The following PDCD10 variants were observed in gnomAD, a reference collection of about 807,000 sequenced individuals.
PDCD10 encodes the protein programmed cell death 10, also known as programmed cell death protein 10.
In PDCD10, 4 loss-of-function variants were observed where a neutral mutation model predicts 29.2. The observed-to-expected ratio is 0.14, with a 90% CI of 0.07 to 0.31. The LOEUF (loss-of-function observed/expected upper bound fraction) is 0.31, where lower values mean the gene tolerates loss of function less well. Among genes scored for constraint, PDCD10 ranks in the 10% least tolerant of loss-of-function variants. The pLI, the probability that PDCD10 is intolerant of heterozygous loss-of-function variation, is 1.00. For missense variants in PDCD10, 183 were observed against 257.9 expected, an observed-to-expected ratio of 0.71 and a Z score of 1.99; for synonymous variants, 70 against 82.2, an observed-to-expected ratio of 0.85 and a Z score of 0.80.
At chr3:167,698,241 T>C (rs1013183153) in intron 4 of PDCD10, among the ~76,000 whole-genome samples, 1 of 152,232 alleles carries the variant, frequency 6.6e-6, no homozygotes, top group Non-Finnish European at 1.5e-5. Context: ...CTTCGGATCA[T>C]TTTAAATGCT....
intron 2 of PDCD10, among the ~76,000 whole-genome samples, chr3:167,729,265 G>A (rs1724538573): frequency 6.6e-6 from 1 of 152,168 alleles, no homozygotes. Context: ...AACTGGCTGT[G>A]TTGAAGTTGT....
At chr3:167,694,313 C>T (rs769853799) in intron 6 of PDCD10, 10 of 197,154 alleles carry the variant, frequency 5.1e-5, no homozygotes, top group African/African-American at 1.7e-4. Context: ...AGAAGAGAGA[C>T]GGGGAACCAC....
Position 167,684,334 on chromosome 3 carries a change from G to A in PDCD10, c.613C>T (p.Leu205Phe). The A allele has an allele frequency of 6.2e-7, 1 of 1,603,710 alleles. No homozygotes were observed. The highest frequency in any genetic ancestry group is 8.5e-7 in the Non-Finnish European group (1 of 1,170,894). ...NRLIHQTNLI[L>F]QTFKTVA ...CAGGCCACAGTTTTGAAGGTCTGAA[G>A]TATTAAGTTGGTTTGATGAATTAGT... Residue 205 changes from leucine to phenylalanine, a missense_variant, in exon 9 of 9, where the codon CTT (leucine) becomes TTT (phenylalanine). By Grantham distance (22) the Leu-to-Phe change is conservative. Transcript: ENST00000392750.
At chr3:167,727,076 T>C (rs78253921) in intron 2 of PDCD10, among the ~76,000 whole-genome samples, 2,418 of 152,274 alleles carry the variant, frequency 0.016, 62 homozygotes, top group African/African-American at 0.056. Context: ...TAAATGTACA[T>C]AGATAAACTT....
At chr3:167,688,527 T>G (rs770865735) in intron 6 of PDCD10, among the ~76,000 whole-genome samples, 38 of 152,206 alleles carry the variant, frequency 2.5e-4, no homozygotes, top group Non-Finnish European at 4.0e-4. Context: ...CACCATTTTT[T>G]CTGAACTTTT....
intron 2 of PDCD10, among the ~76,000 whole-genome samples, chr3:167,727,363 AT>A (rs928587994): frequency 2.0e-5 from 3 of 151,456 alleles, no homozygotes; most frequent in African/African-American, 4.9e-5. Flanking sequence ...GACAATCCTC[AT>A]TTTTTTTTCC....
intron 6 of PDCD10, 41 bp downstream of exon 6, chr3:167,695,555 T>C (rs1266482891): frequency 6.3e-7 from 1 of 1,586,846 alleles, no homozygotes; most frequent in African/African-American, 1.3e-5. Flanking sequence ...TCCTCGGAAG[T>C]ACTTTTAAGA....
intron 2 of PDCD10, among the ~76,000 whole-genome samples, chr3:167,725,761 GTTTATATATATATATATATATATATA>G (rs1289841880): frequency 1.8e-5 from 1 of 54,720 alleles, no homozygotes; most frequent in East Asian, 4.5e-4. Flanking sequence ...CCATTGTATC[GTTTATATATATATATATATATATATA>G]TATATATATA....
intron 3 of PDCD10, among the ~76,000 whole-genome samples, chr3:167,706,387 T>A (rs904047057): frequency 6.6e-6 from 1 of 152,236 alleles, no homozygotes; most frequent in African/African-American, 2.4e-5. Context: ...GGTGATTTCA[T>A]CATTATGTGG....
chr3:167,705,385 A>G (rs1469637470), intron 3 of PDCD10, among the ~76,000 whole-genome samples: 2 of 152,172 alleles, frequency 1.3e-5, no homozygotes, highest in African/African-American at 4.8e-5. Flanking sequence ...ATTAAATTGG[A>G]AACAATGTAA....
At position 167,717,162 on chromosome 3, in the gene PDCD10, TTTA is replaced by T. The variant is rs1289496550; in HGVS notation, c.96+2897_96+2899del. On this transcript the variant is annotated intron_variant, in intron 3 of 8. Transcript: ENST00000392750. The stretch of plus-strand genomic sequence containing the variant: ...TTCTTCTCAGCTGTCCTGGCATAGC[TTTA>T]TTAAGTCTAGCAAACATCGAACTTC... 3.3e-5 allele frequency among the ~76,000 whole-genome samples: 5 copies of T among 152,146 alleles called. No individual in the cohort carries two copies. In the East Asian group the frequency reaches 9.7e-4, roughly 29 times the overall value.
chr3:167,701,880 A>C (rs553291811), intron 4 of PDCD10, among the ~76,000 whole-genome samples: 1 of 152,292 alleles, frequency 6.6e-6, no homozygotes, highest in African/African-American at 2.4e-5. Flanking sequence ...GAAATCATGA[A>C]AGAGATTGTA....
In PDCD10 at chr3:167,687,303, T is replaced by A; in HGVS notation, c.488A>T (p.Gln163Leu). 6.3e-7 allele frequency: 1 copy of A among 1,584,960 alleles called. No homozygotes were observed. ...QYQNRRALEH[Q>L]KKEFVKYSKS... ...GGAGTACTTTACAAATTCTTTCTTTTGGTGTTCAAGTGCCTACAGTCACAA... is the reference window on the plus strand; with the variant it reads ...GGAGTACTTTACAAATTCTTTCTTTAGGTGTTCAAGTGCCTACAGTCACAA... The change falls in exon 8 of 9, where the codon CAA becomes CTA. Residue 163 changes from glutamine to leucine, a missense_variant. Transcript: ENST00000392750.
At chr3:167,686,434 A>G (rs924821332) in intron 8 of PDCD10, among the ~76,000 whole-genome samples, 1 of 152,198 alleles carries the variant, frequency 6.6e-6, no homozygotes, top group South Asian at 2.1e-4. Context: ...CTTTTACAAA[A>G]TATCTAAACC....
At chr3:167,720,757 C>G (rs978474731) in intron 2 of PDCD10, among the ~76,000 whole-genome samples, 1 of 152,042 alleles carries the variant, frequency 6.6e-6, no homozygotes, top group African/African-American at 2.4e-5. Flanking sequence ...CTTTTTGCTA[C>G]TTGTTTATTG....
At chr3:167,728,981 C>CA (rs1448826381) in intron 2 of PDCD10, among the ~76,000 whole-genome samples, 1 of 151,774 alleles carries the variant, frequency 6.6e-6, no homozygotes, top group Non-Finnish European at 1.5e-5. Flanking sequence ...AGAAAACAAA[C>CA]AAAAAAATAA....
intron 3 of PDCD10, among the ~76,000 whole-genome samples, chr3:167,716,060 C>T (rs1428877393): frequency 6.7e-6 from 1 of 149,322 alleles, no homozygotes; most frequent in Admixed American, 6.6e-5. Context: ...ATGTGGTACA[C>T]ATACACAATG....
intron 2 of PDCD10, among the ~76,000 whole-genome samples, chr3:167,726,114 GTTTTTTTTT>G (rs751342370): frequency 1.2e-5 from 1 of 85,766 alleles, no homozygotes; most frequent in Non-Finnish European, 2.2e-5. Context: ...GTAGAGTACT[GTTTTTTTTT>G]TTTTTTTTTT....
At chr3:167,720,028 A>G in intron 3 of PDCD10, 34 bp downstream of exon 3, 1 of 1,206,970 alleles carries the variant, frequency 8.3e-7, no homozygotes, top group Non-Finnish European at 1.2e-6. Context: ...AAAGAATTGC[A>G]GAGTTCATGC....
Sources: gnomAD v4.1 joint callset for allele counts (sites outside exome capture counted in the v4.1 genomes callset) on GRCh38, gnomAD v4.1.1 for gene constraint, MANE v1.5 for transcripts, NCBI Gene and HGNC (gene_info 2026-07-23, HGNC 2026-07-21) for gene names.